The following TNPO1 variants were observed in gnomAD, a reference collection of about 807,000 sequenced individuals.
The protein encoded by TNPO1 is transportin-1.
TNPO1 carries 8 observed loss-of-function variants against 119.5 expected under a neutral mutation model. That is an observed-to-expected ratio of 0.07 (90% CI 0.04 to 0.12). The LOEUF (loss-of-function observed/expected upper bound fraction) is 0.12. TNPO1 is among the 10% of genes least tolerant of loss of function. TNPO1 has a pLI of 1.00. For synonymous variants in TNPO1, 362 were observed against 363.0 expected, an observed-to-expected ratio of 1.00 and a Z score of 0.03; for missense variants, 576 against 1,089.8, an observed-to-expected ratio of 0.53 and a Z score of 6.64.
intron 6 of TNPO1, among the ~76,000 whole-genome samples, chr5:72,868,282 A>G (rs1050826572): frequency 1.3e-5 from 2 of 151,954 alleles, no homozygotes; most frequent in African/African-American, 4.8e-5. Flanking sequence ...AATACAAAAA[A>G]TTAGCCGGGC....
intron 9 of TNPO1, among the ~76,000 whole-genome samples, chr5:72,880,675 G>A (rs1431531283): frequency 6.6e-6 from 1 of 152,040 alleles, no homozygotes; most frequent in Non-Finnish European, 1.5e-5. Flanking sequence ...AATTAGCCAG[G>A]CATGGTGGCG....
rs1266913264 is a variant in TNPO1, at chr5:72,900,034, T to G, written c.2367T>G (p.Val789=). The change falls in exon 21 of 25, where the codon GTT becomes GTG. Residue 789 remains valine, a synonymous_variant. Transcript: ENST00000337273. ...TAACAATTGGTCGTCTTGGTTACGT[T>G]TGTCCTCAAGAGGTGGCCCCCATGC... The part of the protein sequence containing the change: ...TAITIGRLGY[V]CPQEVAPMLQ... 6.2e-7 allele frequency: 1 copy of G among 1,614,070 alleles called. No homozygotes were observed. Among genetic ancestry groups the G allele is most frequent in the South Asian group, 1.1e-5 (1 of 91,070 alleles).
chr5:72,853,799 T>A (rs894311131), intron 3 of TNPO1, among the ~76,000 whole-genome samples: 3 of 152,290 alleles, frequency 2.0e-5, no homozygotes, highest in Non-Finnish European at 4.4e-5. Context: ...TATGTAGTAA[T>A]CTTATCACTG....
chr5:72,893,851 G>A, intron 18 of TNPO1, 148 bp downstream of exon 18: 1 of 789,398 alleles, frequency 1.3e-6, no homozygotes, highest in Middle Eastern at 3.7e-4. Flanking sequence ...TGCTGTGATT[G>A]AAACAGGCAA....
intron 6 of TNPO1, among the ~76,000 whole-genome samples, chr5:72,866,801 A>G (rs1746940652): frequency 1.3e-5 from 2 of 152,162 alleles, no homozygotes. Flanking sequence ...CTGGTAATCG[A>G]TACACCATTG....
chr5:72,893,700 A>G lies in TNPO1; in HGVS notation c.2140A>G (p.Ile714Val). ...TTGCTTTCAGCATGTTAAGCCTTGT[A>G]TAGGTATGAATATTTTCTACTGCTA... ...KACFQHVKPC[I>V]ADFMPILGTN... Residue 714 changes from isoleucine to valine, a missense_variant, in exon 18 of 25, where the codon ATA becomes GTA. Transcript: ENST00000337273. 1 of 1,613,680 alleles carries G rather than the reference A, an allele frequency of 6.2e-7. No homozygotes were observed. The highest frequency in any genetic ancestry group is 1.3e-5 in the African/African-American group (1 of 75,050).
chr5:72,843,737 T>C (rs1279352759), intron 1 of TNPO1, among the ~76,000 whole-genome samples: 1 of 152,204 alleles, frequency 6.6e-6, no homozygotes, highest in Non-Finnish European at 1.5e-5. Flanking sequence ...CTCACATTCA[T>C]AGTGATTCAG....
At position 72,861,024 on chromosome 5, in the gene TNPO1, T is replaced by C. The variant is rs538158282; in HGVS notation, c.356-784T>C. On this transcript the variant is annotated intron_variant, in intron 4 of 24. Coordinates refer to ENST00000337273, the MANE Select transcript of TNPO1 (RefSeq NM_002270.4). ...GCCTCCCGGGTTCAAGCGATTCTCC[T>C]GCCTCAGCCTCCTGAGTAGCTGAGA... is the stretch of plus-strand genomic sequence containing the variant. Among the ~76,000 whole-genome samples, 10 of 152,124 alleles carry C rather than the reference T, an allele frequency of 6.6e-5. No individual in the cohort carries two copies. The East Asian group carries it at 1.9e-3, about 29-fold the overall frequency.
intron 10 of TNPO1, 91 bp downstream of exon 10, chr5:72,882,618 T>C (rs1369824252): frequency 1.2e-6 from 1 of 840,612 alleles, no homozygotes; most frequent in Non-Finnish European, 1.9e-6. Flanking sequence ...TCATTGAGAA[T>C]AGATCTCCTG....
rs1561319279 is a variant in TNPO1, at chr5:72,861,790, A to G, written c.356-18A>G. On this transcript the variant is annotated intron_variant, in intron 4 of 24. Coordinates refer to ENST00000337273, the MANE Select transcript of TNPO1 (RefSeq NM_002270.4). The stretch of plus-strand genomic sequence containing the variant: ...ATAATGCTGTTGGATTTCCTAAAGA[A>G]GTGTGTTTTTGTTCAAGGTATTTTG... 5.8e-6 allele frequency: 9 copies of G among 1,556,512 alleles called. No individual in the cohort carries two copies. Among genetic ancestry groups the G allele is most frequent in the African/African-American group, 4.1e-5 (3 of 73,690 alleles).
chr5:72,879,031 T>G (rs1358991389), intron 9 of TNPO1: 1 of 383,290 alleles, frequency 2.6e-6, no homozygotes, highest in East Asian at 8.2e-5. Flanking sequence ...GTTCTTTGTT[T>G]TATGTACATA....
rs779595857 is a variant in TNPO1 at position 72,861,794 on chromosome 5, T to C, written c.356-14T>C. The C allele has an allele frequency of 2.5e-6, 4 of 1,582,108 alleles. No individual in the cohort carries two copies. The African/African-American group carries it at 4.0e-5, about 16-fold the overall frequency. On this transcript the variant is annotated splice_polypyrimidine_tract_variant and intron_variant, in intron 4 of 24. Coordinates refer to ENST00000337273, the MANE Select transcript of TNPO1 (RefSeq NM_002270.4). ...TGCTGTTGGATTTCCTAAAGAAGTG[T>C]GTTTTTGTTCAAGGTATTTTGATCA...
At chr5:72,876,786 C>A (rs266434) in intron 8 of TNPO1, among the ~76,000 whole-genome samples, 20,627 of 151,938 alleles carry the variant, frequency 0.14, 1,577 homozygotes, top group East Asian at 0.3. Flanking sequence ...TTATAGTCAC[C>A]TAGGAAACTT....
chr5:72,877,063 C>T (rs1469188472), intron 8 of TNPO1, among the ~76,000 whole-genome samples, 165 bp from the exon 9 acceptor site: 1 of 140,016 alleles, frequency 7.1e-6, no homozygotes, highest in Non-Finnish European at 1.5e-5. Flanking sequence ...CCACTGCATT[C>T]CAGCCTGGGC....
In TNPO1 at chr5:72,913,986, C is replaced by T. The variant is rs758025922; in HGVS notation, c.*5313C>T. 3.3e-5 allele frequency: 5 copies of T among 152,502 alleles called. No homozygotes were observed. Among genetic ancestry groups the T allele is most frequent in the Non-Finnish European group, 4.4e-5 (3 of 67,954 alleles). The allele number at this position is 152,502 out of a possible 1,614,324, so 9.4% of individuals were successfully genotyped here. A position where few individuals can be genotyped will look rare whatever the true frequency, so the allele number is the denominator to read the frequency against. On this transcript the variant is annotated 3_prime_UTR_variant, in exon 25 of 25. Coordinates refer to ENST00000337273, the MANE Select transcript of TNPO1 (RefSeq NM_002270.4). ...AACATTGGGTGCAATAATTTAGTAG[C>T]ATTAGCTTTAGTTACAAATATAACT...
At chr5:72,851,914 G>A (rs4704041) in intron 3 of TNPO1, among the ~76,000 whole-genome samples, 72,801 of 152,072 alleles carry the variant, frequency 0.48, 18,544 homozygotes, top group Admixed American at 0.61. Context: ...TATAACAAAG[G>A]TTGTAATACA....
At chr5:72,879,526 T>G (rs1180338189) in intron 9 of TNPO1, among the ~76,000 whole-genome samples, 1 of 152,222 alleles carries the variant, frequency 6.6e-6, no homozygotes, top group Non-Finnish European at 1.5e-5. Context: ...GTTTTACTTA[T>G]GTCTTCCCTA....
intron 1 of TNPO1, among the ~76,000 whole-genome samples, chr5:72,818,665 G>A (rs1743804832): frequency 6.6e-6 from 1 of 152,112 alleles, no homozygotes; most frequent in Admixed American, 6.5e-5. Flanking sequence ...CTTTTTATTG[G>A]CCAGGGTATA....
chr5:72,850,551 T>C (rs1238490612), intron 2 of TNPO1, among the ~76,000 whole-genome samples: 9 of 152,324 alleles, frequency 5.9e-5, no homozygotes, highest in African/African-American at 2.2e-4. Flanking sequence ...GGAAGCATGT[T>C]AGTTAGGGGT....
Sources: gnomAD v4.1 joint callset for allele counts (sites outside exome capture counted in the v4.1 genomes callset) on GRCh38, gnomAD v4.1.1 for gene constraint, MANE v1.5 for transcripts, NCBI Gene and HGNC (gene_info 2026-07-23, HGNC 2026-07-21) for gene names.